Variants in ERICH5 observed in about 807,000 individuals in gnomAD.
The protein encoded by ERICH5 is glutamate-rich protein 5.
Under a neutral mutation model 28.0 loss-of-function variants are expected in ERICH5, and 24 were observed. That is an observed-to-expected ratio of 0.86 (90% CI 0.62 to 1.21). The LOEUF (loss-of-function observed/expected upper bound fraction) is 1.21, where lower values mean the gene tolerates loss of function less well. ERICH5 is among the 50% of genes most tolerant of loss of function. The probability of loss-of-function intolerance (pLI) is 0.00; values close to 1 mark genes in which losing one functional copy is unlikely to be tolerated. For missense variants in ERICH5, 421 were observed against 441.2 expected (o/e 0.95, Z 0.41); for synonymous variants, 163 against 157.6 (o/e 1.03, Z -0.25).
At chr8:98,073,078 A>G (rs997888536) in intron 1 of ERICH5, among the ~76,000 whole-genome samples, 1 of 152,042 alleles carries the variant, frequency 6.6e-6, no homozygotes, top group Non-Finnish European at 1.5e-5. Flanking sequence ...TTTCATTTCA[A>G]CTGAAAGACA....
chr8:98,084,443 C>T lies in ERICH5; in HGVS notation c.59-4633C>T, dbSNP rs571288371. 5.7e-4 allele frequency among the ~76,000 whole-genome samples: 86 copies of T among 152,182 alleles called. 1 individual carries two copies. The highest frequency in any genetic ancestry group is 1.1e-3 in the Admixed American group (17 of 15,278). On this transcript the variant is annotated intron_variant, in intron 1 of 2. Coordinates refer to ENST00000318528, the MANE Select transcript of ERICH5 (RefSeq NM_173549.3). The stretch of plus-strand genomic sequence containing the variant: ...TGTCCCCCAGGCTGGAGTGCAATGG[C>T]GTGATCTTGGCTCACTGCAACCTCT...
intron 1 of ERICH5, among the ~76,000 whole-genome samples, chr8:98,066,310 A>G (rs1586196030): frequency 6.6e-6 from 1 of 152,192 alleles, no homozygotes; most frequent in East Asian, 1.9e-4. Flanking sequence ...GATACATTTT[A>G]TTATTCTGAC....
Position 98,089,209 on chromosome 8 carries a change from G to A in ERICH5, c.192G>A (p.Lys64=). The change falls in exon 2 of 3, where the codon AAG becomes AAA. Residue 64 remains lysine, a synonymous_variant. Coordinates refer to ENST00000318528, the MANE Select transcript of ERICH5 (RefSeq NM_173549.3). ...GGGAAAGCCGTCCTCCCTTACAAAA[G>A]CTCAAGGTTTCAGCAGAGCCTACAG... The part of the protein sequence containing the change: ...VQRESRPPLQ[K]LKVSAEPTAN... 2 of 1,614,164 alleles carry A rather than the reference G, an allele frequency of 1.2e-6. No individual in the cohort carries two copies. Among genetic ancestry groups the A allele is most frequent in the Non-Finnish European group, 1.7e-6 (2 of 1,180,024 alleles).
At position 98,079,166 on chromosome 8, in the gene ERICH5, CTTTTTTTTTT is replaced by C. The variant is rs528062932; in HGVS notation, c.59-9897_59-9888del. On this transcript the variant is annotated intron_variant, in intron 1 of 2. Transcript: ENST00000318528. ...CCACATTTTCCTCTTTTTTTTTTTC[CTTTTTTTTTT>C]TTTTTTTTTTTTGAGACAGGGTCTC... is the stretch of plus-strand genomic sequence containing the variant. Among the ~76,000 whole-genome samples, 8 of 75,588 alleles carry C rather than the reference CTTTTTTTTTT, an allele frequency of 1.1e-4. No individual in the cohort carries two copies. The South Asian group carries it at 1.3e-3, about 12-fold the overall frequency. 49.6% of individuals were successfully genotyped at this position (75,588 alleles called of 152,430 possible). A position where few individuals can be genotyped will look rare whatever the true frequency, so the allele number is the denominator to read the frequency against.
Position 98,081,086 on chromosome 8 carries a change from TTC to T in ERICH5, c.59-7970_59-7969del, listed in dbSNP as rs369795643. Among the ~76,000 whole-genome samples the T allele has an allele frequency of 4.9e-4, 73 of 149,688 alleles. No individual in the cohort carries two copies. In the East Asian group the frequency reaches 9.3e-3, roughly 19 times the overall value. Reference sequence around the variant, plus strand: ...TTTCTGTTTGTACATCATAATTTCTTTCTCTCTCTCTCTCTCTCTCTTTTTTT... The same window carrying T: ...TTTCTGTTTGTACATCATAATTTCTTTCTCTCTCTCTCTCTCTCTTTTTTT... On this transcript the variant is annotated intron_variant, in intron 1 of 2. Transcript: ENST00000318528.
Position 98,067,455 on chromosome 8 carries a change from T to TA in ERICH5, c.58+2743dup, listed in dbSNP as rs754784106. On this transcript the variant is annotated intron_variant, in intron 1 of 2. Coordinates refer to ENST00000318528, the MANE Select transcript of ERICH5 (RefSeq NM_173549.3). ...TCTGGGCAACAGAGTGAGACTCAAT[T>TA]AAAAAAAAAAAAAAAGAAACTATAT... Among the ~76,000 whole-genome samples, 1,074 of 130,890 alleles carry TA rather than the reference T, an allele frequency of 8.2e-3. 11 individuals are homozygous for TA. The highest frequency in any genetic ancestry group is 0.026 in the African/African-American group (940 of 35,630). 85.9% of individuals were successfully genotyped at this position (130,890 alleles called of 152,430 possible).
At chr8:98,080,773 G>A (rs571686833) in intron 1 of ERICH5, among the ~76,000 whole-genome samples, 48 of 142,790 alleles carry the variant, frequency 3.4e-4, no homozygotes, top group African/African-American at 1.1e-3. Context: ...CATGATCTTG[G>A]CTCACTACAA....
At chr8:98,066,997 A>G (rs1318903451) in intron 1 of ERICH5, among the ~76,000 whole-genome samples, 1 of 152,244 alleles carries the variant, frequency 6.6e-6, no homozygotes, top group Non-Finnish European at 1.5e-5. Context: ...ATAGGTCCTC[A>G]GTAATTATTT....
intron 1 of ERICH5, among the ~76,000 whole-genome samples, chr8:98,088,000 T>C (rs527679357): frequency 6.6e-6 from 1 of 152,142 alleles, no homozygotes; most frequent in East Asian, 1.9e-4. Context: ...AGCAGGAGGA[T>C]CACTTGAGCC....
intron 1 of ERICH5, among the ~76,000 whole-genome samples, chr8:98,067,185 A>C (rs1017475493): frequency 1.3e-5 from 2 of 152,178 alleles, no homozygotes; most frequent in African/African-American, 4.8e-5. Flanking sequence ...TTATAATCCC[A>C]ATGGCTCTGG....
intron 1 of ERICH5, among the ~76,000 whole-genome samples, chr8:98,086,082 G>A (rs1332711442): frequency 1.3e-5 from 2 of 152,116 alleles, no homozygotes; most frequent in Non-Finnish European, 2.9e-5. Context: ...GTTGGTGAAG[G>A]TGGTAGATTG....
chr8:98,087,341 G>T (rs1815301084), intron 1 of ERICH5, among the ~76,000 whole-genome samples: 1 of 151,980 alleles, frequency 6.6e-6, no homozygotes, highest in Non-Finnish European at 1.5e-5. Flanking sequence ...AGGGTAAATG[G>T]GAGAGGAGAC....
chr8:98,091,900 C>CCTTT (rs74202034), intron 2 of ERICH5, among the ~76,000 whole-genome samples: 2,407 of 74,536 alleles, frequency 0.032, 94 homozygotes, highest in South Asian at 0.047. Flanking sequence ...TTCTTTCTTT[C>CCTTT]CTTTCTTTCT....
chr8:98,078,855 G>A (rs897060038), intron 1 of ERICH5, among the ~76,000 whole-genome samples: 5 of 152,168 alleles, frequency 3.3e-5, no homozygotes, highest in East Asian at 1.9e-4. Flanking sequence ...TGAAAACAAC[G>A]CATCTGTCTA....
At position 98,090,030 on chromosome 8, in the gene ERICH5, G is replaced by C. The variant is rs1425455960; in HGVS notation, c.1012+1G>C. The C allele has an allele frequency of 6.2e-7, 1 of 1,603,154 alleles. No individual in the cohort carries two copies. The highest frequency in any genetic ancestry group is 8.5e-7 in the Non-Finnish European group (1 of 1,173,674). On this transcript the variant is annotated splice_donor_variant, in intron 2 of 2. Coordinates refer to ENST00000318528, the MANE Select transcript of ERICH5 (RefSeq NM_173549.3). LOFTEE classifies it high-confidence loss of function. ...AATGAAGAGGACCAACGCATTGAAGGTAAAAGTTATGCTGGCAAACCTGGA... is the reference window on the plus strand; with the variant it reads ...AATGAAGAGGACCAACGCATTGAAGCTAAAAGTTATGCTGGCAAACCTGGA...
intron 1 of ERICH5, among the ~76,000 whole-genome samples, chr8:98,071,185 G>A (rs1341778729): frequency 1.3e-5 from 2 of 152,154 alleles, no homozygotes; most frequent in African/African-American, 4.8e-5. Context: ...GCCGAGGCAG[G>A]CGAATTTCTT....
chr8:98,069,381 GTTT>G (rs33925828), intron 1 of ERICH5, among the ~76,000 whole-genome samples: 1 of 150,118 alleles, frequency 6.7e-6, no homozygotes, highest in Non-Finnish European at 1.5e-5. Flanking sequence ...TTATTTTAGG[GTTT>G]TTTTTTTTAT....
intron 1 of ERICH5, among the ~76,000 whole-genome samples, chr8:98,071,470 T>C (rs1814916947): frequency 6.6e-6 from 1 of 152,136 alleles, no homozygotes; most frequent in Non-Finnish European, 1.5e-5. Flanking sequence ...GTGTGAGTAG[T>C]ACTAGGTAAT....
intron 1 of ERICH5, among the ~76,000 whole-genome samples, chr8:98,081,353 G>A (rs1205874319): frequency 2.0e-5 from 3 of 152,124 alleles, no homozygotes; most frequent in Admixed American, 6.6e-5. Context: ...TGATCCACCT[G>A]CCTTGGCCTC....
Sources: gnomAD v4.1 joint callset for allele counts (sites outside exome capture counted in the v4.1 genomes callset) on GRCh38, gnomAD v4.1.1 for gene constraint, MANE v1.5 for transcripts, NCBI Gene and HGNC (gene_info 2026-07-23, HGNC 2026-07-21) for gene names.